The following ASB3 variants were observed in gnomAD, a reference collection of about 807,000 sequenced individuals.
ASB3 encodes ankyrin repeat and SOCS box containing 3.
A neutral mutation model predicts 54.5 loss-of-function variants in ASB3; 41 were observed. The observed-to-expected ratio is 0.75, with a 90% CI of 0.59 to 0.98. The LOEUF is 0.98. ASB3 is among the 50% of genes least tolerant of loss of function. The pLI is 0.00. For missense variants in ASB3, 733 were observed against 620.0 expected (o/e 1.18, Z -1.94); for synonymous variants, 266 against 221.2 (o/e 1.20, Z -1.80).
chr2:53,677,190 T>C lies in ASB3; in HGVS notation c.1370-6500A>G, dbSNP rs564840374. ...GTACAAGTTTGTGGCCTAGGAGCAA[T>C]AGGCTATACTATGTAGCCTCAGGTG... On this transcript the variant is annotated intron_variant, in intron 9 of 9. Transcript: ENST00000263634. Among the ~76,000 whole-genome samples, 8 of 152,360 alleles carry C rather than the reference T, an allele frequency of 5.3e-5. No homozygotes were observed. In the East Asian group the frequency reaches 9.6e-4, roughly 18 times the overall value.
intron 9 of ASB3, among the ~76,000 whole-genome samples, chr2:53,687,811 G>T (rs139449963): frequency 6.6e-6 from 1 of 152,096 alleles, no homozygotes; most frequent in Non-Finnish European, 1.5e-5. Context: ...TCCATTATTT[G>T]TAGCTCTTTT....
At chr2:53,757,221 ATAAT>A (rs1032960254) in intron 2 of ASB3, among the ~76,000 whole-genome samples, 7 of 152,256 alleles carry the variant, frequency 4.6e-5, no homozygotes, top group African/African-American at 1.7e-4. Flanking sequence ...CCAGTTAAAA[ATAAT>A]TAGTGTGGCT....
chr2:53,682,365 C>T (rs1190783027), intron 9 of ASB3, among the ~76,000 whole-genome samples: 1 of 152,210 alleles, frequency 6.6e-6, no homozygotes, highest in South Asian at 2.1e-4. Context: ...TGTTTTACAG[C>T]TTTCATTGTA....
chr2:53,776,925 CAATTAA>C (rs1674371859), intron 1 of ASB3, among the ~76,000 whole-genome samples: 1 of 152,150 alleles, frequency 6.6e-6, no homozygotes, highest in South Asian at 2.1e-4. Context: ...CTTCCAAAGA[CAATTAA>C]AATACCAAAA....
rs191013062 is a variant in ASB3, at chr2:53,682,238, T to C, written c.1370-11548A>G. 4.8e-3 allele frequency among the ~76,000 whole-genome samples: 734 copies of C among 152,280 alleles called. 2 individuals are homozygous for C. The highest frequency in any genetic ancestry group is 0.01 in the Middle Eastern group (3 of 294). ...CATTGGTATTTTGATAGGAATTGCATTGAATCTGTAGATTGCTTTAAGTAG... is the reference window on the plus strand; with the variant it reads ...CATTGGTATTTTGATAGGAATTGCACTGAATCTGTAGATTGCTTTAAGTAG... On this transcript the variant is annotated intron_variant, in intron 9 of 9. Transcript: ENST00000263634.
At chr2:53,690,252 A>T (rs1311759918) in intron 9 of ASB3, among the ~76,000 whole-genome samples, 2 of 149,812 alleles carry the variant, frequency 1.3e-5, no homozygotes, top group Non-Finnish European at 3.0e-5. Flanking sequence ...TAAATAAATA[A>T]ATTAATTAAT....
intron 7 of ASB3, among the ~76,000 whole-genome samples, chr2:53,706,380 T>C (rs781563255): frequency 6.6e-6 from 1 of 152,186 alleles, no homozygotes; most frequent in South Asian, 2.1e-4. Flanking sequence ...GCTTACATTC[T>C]AATGAAGAAG....
Position 53,716,435 on chromosome 2 carries a change from T to TCG in ASB3, c.782+130_782+131insCG. 8.7e-6 allele frequency: 10 copies of TCG among 1,153,750 alleles called. No homozygotes were observed. The East Asian group carries it at 1.5e-4, about 17-fold the overall frequency. 71.5% of individuals were successfully genotyped at this position (1,153,750 alleles called of 1,614,324 possible). On this transcript the variant is annotated intron_variant, in intron 6 of 9. Coordinates refer to ENST00000263634, the MANE Select transcript of ASB3 (RefSeq NM_016115.5). ...ATGAAGGACAGATTAGGGGTAGATC[T>TCG]GTTCACCCAGCAGATTGGTAGGGAA... is the stretch of plus-strand genomic sequence containing the variant.
At chr2:53,731,355 C>T (rs1026218551) in intron 3 of ASB3, among the ~76,000 whole-genome samples, 1 of 152,030 alleles carries the variant, frequency 6.6e-6, no homozygotes, top group African/African-American at 2.4e-5. Context: ...TGCACTCCAC[C>T]TGGGTTGCTG....
chr2:53,726,323 C>A (rs1056169649), intron 5 of ASB3, among the ~76,000 whole-genome samples: 4 of 149,156 alleles, frequency 2.7e-5, no homozygotes, highest in Non-Finnish European at 4.4e-5. Flanking sequence ...TGCAGAGGCG[C>A]GATCTAGGCT....
At chr2:53,767,629 A>G in intron 1 of ASB3, 3 of 470,818 alleles carry the variant, frequency 6.4e-6, no homozygotes. Context: ...TGATTTACGG[A>G]TGCTGCAAAA....
chr2:53,754,055 T>C (rs1672680215), intron 2 of ASB3, among the ~76,000 whole-genome samples: 1 of 151,888 alleles, frequency 6.6e-6, no homozygotes, highest in South Asian at 2.1e-4. Flanking sequence ...ACACTGTAGG[T>C]CCAAAAAGTA....
At chr2:53,734,234 C>T (rs745767747) in intron 3 of ASB3, among the ~76,000 whole-genome samples, 9 of 152,196 alleles carry the variant, frequency 5.9e-5, no homozygotes, top group South Asian at 2.1e-4. Context: ...CACTCCACTT[C>T]GCAGTTTGTT....
chr2:53,687,722 A>C (rs920617090), intron 9 of ASB3, among the ~76,000 whole-genome samples: 1 of 152,236 alleles, frequency 6.6e-6, no homozygotes, highest in African/African-American at 2.4e-5. Flanking sequence ...TTGCATATTA[A>C]TGTTTAAAAT....
intron 5 of ASB3, among the ~76,000 whole-genome samples, chr2:53,720,690 A>G (rs1038994373): frequency 2.6e-5 from 4 of 152,200 alleles, no homozygotes; most frequent in African/African-American, 9.7e-5. Context: ...CAGAAAATTA[A>G]AAAACAAATT....
chr2:53,707,778 A>G (rs537067249), intron 7 of ASB3, among the ~76,000 whole-genome samples: 47 of 152,234 alleles, frequency 3.1e-4, no homozygotes, highest in Admixed American at 2.0e-3. Context: ...CTTGGCCAAC[A>G]TGGTGAAACC....
chr2:53,720,070 G>C (rs1034323047), intron 5 of ASB3, among the ~76,000 whole-genome samples: 1 of 151,262 alleles, frequency 6.6e-6, no homozygotes, highest in African/African-American at 2.4e-5. Context: ...CAAACTCAAA[G>C]TCATCCCTCT....
intron 7 of ASB3, among the ~76,000 whole-genome samples, chr2:53,706,312 A>T (rs1189385096): frequency 6.6e-6 from 1 of 152,222 alleles, no homozygotes; most frequent in Admixed American, 6.5e-5. Context: ...TTAATTCACA[A>T]ATATATTTTT....
chr2:53,767,877 C>T, intron 1 of ASB3: 1 of 1,602,158 alleles, frequency 6.2e-7, no homozygotes, highest in Non-Finnish European at 8.5e-7. Context: ...GGCAGAGGAG[C>T]CGCGAGAAGA....
Sources: gnomAD v4.1 joint callset for allele counts (sites outside exome capture counted in the v4.1 genomes callset) on GRCh38, gnomAD v4.1.1 for gene constraint, MANE v1.5 for transcripts, NCBI Gene and HGNC (gene_info 2026-07-23, HGNC 2026-07-21) for gene names.